Variants in SLC23A2 observed in about 807,000 individuals in gnomAD.
SLC23A2 encodes solute carrier family 23 member 2.
Under a neutral mutation model 73.3 loss-of-function variants are expected in SLC23A2, and 36 were observed. That is an observed-to-expected ratio of 0.49 (90% CI 0.38 to 0.65). The LOEUF (loss-of-function observed/expected upper bound fraction) is 0.65. Ranked by LOEUF, SLC23A2 falls within the 30% of genes least tolerant of loss-of-function variation. The pLI is 0.00. For synonymous variants in SLC23A2, 343 were observed against 327.3 expected (o/e 1.05, Z -0.52); for missense variants, 507 against 841.6 (o/e 0.60, Z 4.92).
chr20:4,958,069 T>C (rs1285924557), intron 2 of SLC23A2, among the ~76,000 whole-genome samples: 4 of 152,142 alleles, frequency 2.6e-5, no homozygotes, highest in Non-Finnish European at 5.9e-5. Context: ...CATCCAACTC[T>C]CAAAGCAAAT....
At position 4,975,858 on chromosome 20, in the gene SLC23A2, C is replaced by CT. The variant is rs540235253; in HGVS notation, c.-281-4940dup. 7.9e-3 allele frequency among the ~76,000 whole-genome samples: 1,116 copies of CT among 141,756 alleles called. 45 individuals are homozygous for CT. The South Asian group carries it at 0.14, about 17-fold the overall frequency. 93.0% of individuals were successfully genotyped at this position (141,756 alleles called of 152,430 possible). A position where few individuals can be genotyped will look rare whatever the true frequency, so the allele number is the denominator to read the frequency against. On this transcript the variant is annotated intron_variant, in intron 1 of 16. Transcript: ENST00000338244. ...TTCATTTGCAAGAGTTTCTTTCTTT[C>CT]TTTTTTTTTTTTTGAGACAGAGTCT...
chr20:4,987,802 C>T (rs539548236), intron 1 of SLC23A2, among the ~76,000 whole-genome samples: 1 of 151,382 alleles, frequency 6.6e-6, no homozygotes, highest in South Asian at 2.1e-4. Flanking sequence ...GAGCCGATCA[C>T]GCCACTGTGC....
chr20:4,938,092 G>A (rs143926245), intron 2 of SLC23A2, among the ~76,000 whole-genome samples: 1,943 of 149,028 alleles, frequency 0.013, 22 homozygotes, highest in Middle Eastern at 0.024. Context: ...GTGCAGTGGC[G>A]CGATCACAGT....
At chr20:4,964,339 TA>T (rs1419969876) in intron 2 of SLC23A2, among the ~76,000 whole-genome samples, 5 of 152,154 alleles carry the variant, frequency 3.3e-5, no homozygotes, top group African/African-American at 1.2e-4. Context: ...TCAAAGGCTC[TA>T]AAAATACACA....
At chr20:4,935,671 C>CG (rs748592462) in intron 2 of SLC23A2, among the ~76,000 whole-genome samples, 55 of 151,888 alleles carry the variant, frequency 3.6e-4, no homozygotes, top group Non-Finnish European at 1.5e-4. Flanking sequence ...TGGTGGCGGG[C>CG]GCCTGTAGTC....
At chr20:4,986,655 C>CAT (rs2087833754) in intron 1 of SLC23A2, among the ~76,000 whole-genome samples, 3 of 112,392 alleles carry the variant, frequency 2.7e-5, no homozygotes, top group African/African-American at 9.9e-5. Context: ...CACATACACA[C>CAT]ACACACACAC....
In SLC23A2 at chr20:4,899,476, C is replaced by A; in HGVS notation, c.482+79G>T. 6.6e-7 allele frequency: 1 copy of A among 1,518,222 alleles called. No individual in the cohort carries two copies. The highest frequency in any genetic ancestry group is 1.2e-5 in the South Asian group (1 of 85,874). The allele number at this position is 1,518,222 out of a possible 1,614,324, so 94.0% of individuals were successfully genotyped here. On this transcript the variant is annotated intron_variant, in intron 6 of 16. Transcript: ENST00000338244. This position sits in a 1 kb window ranked among gnomAD's most constrained non-coding sequence, Gnocchi z 4.9. ...TTCTGTCCTTGCCAACAGCCCTAGG[C>A]AAACGGCGCAGCTCAATGCCTTCTG...
rs1932300106 is a variant in SLC23A2, at chr20:4,915,790, A to G, written c.109-2812T>C. 2.0e-5 allele frequency among the ~76,000 whole-genome samples: 3 copies of G among 152,222 alleles called. No homozygotes were observed. In the South Asian group the frequency reaches 6.2e-4, roughly 32 times the overall value. ...TGGCAAAACCCCATCTCTACTAAAA[A>G]TACAAAAATTAGCTGGGCGTGGTGA... On this transcript the variant is annotated intron_variant, in intron 3 of 16. Coordinates refer to ENST00000338244, the MANE Select transcript of SLC23A2 (RefSeq NM_005116.6).
At chr20:4,861,873 T>A in intron 15 of SLC23A2, 75 bp downstream of exon 15, 1 of 1,521,276 alleles carries the variant, frequency 6.6e-7, no homozygotes, top group Non-Finnish European at 9.0e-7. Context: ...TCCTCTCCAA[T>A]GGGCAAAGAG....
intron 2 of SLC23A2, among the ~76,000 whole-genome samples, chr20:4,961,518 T>A (rs1168151780): frequency 2.0e-5 from 3 of 152,242 alleles, no homozygotes; most frequent in Admixed American, 2.0e-4. Flanking sequence ...AATTCGTAAC[T>A]TTCTTAAAAC....
At chr20:4,988,376 G>A (rs867780102) in intron 1 of SLC23A2, among the ~76,000 whole-genome samples, 2 of 147,358 alleles carry the variant, frequency 1.4e-5, no homozygotes, top group Non-Finnish European at 3.0e-5. Flanking sequence ...CCGAGGGGGG[G>A]CCAATCACCT....
chr20:4,916,386 G>A (rs78310787), intron 3 of SLC23A2, among the ~76,000 whole-genome samples: 44 of 152,144 alleles, frequency 2.9e-4, no homozygotes, highest in African/African-American at 9.9e-4. Context: ...CATTTATCTC[G>A]GGTTGCTGCA....
intron 2 of SLC23A2, among the ~76,000 whole-genome samples, chr20:4,937,322 G>A (rs193070539): frequency 2.0e-5 from 3 of 152,240 alleles, no homozygotes; most frequent in East Asian, 3.9e-4. Flanking sequence ...GTGCCAACCC[G>A]TGGTCCCTCA....
chr20:4,976,580 G>T (rs2087647031), intron 1 of SLC23A2, among the ~76,000 whole-genome samples: 1 of 151,964 alleles, frequency 6.6e-6, no homozygotes, highest in Non-Finnish European at 1.5e-5. Context: ...GGAGGCTGAG[G>T]CAAGAGAATT....
chr20:5,004,154 A>G (rs1600224316), upstream of SLC23A2, among the ~76,000 whole-genome samples: 1 of 152,188 alleles, frequency 6.6e-6, no homozygotes, highest in East Asian at 1.9e-4. Flanking sequence ...CACATTTCCA[A>G]TTGTCCCTTG....
At chr20:4,969,687 T>A (rs2087532721) in intron 2 of SLC23A2, among the ~76,000 whole-genome samples, 1 of 151,546 alleles carries the variant, frequency 6.6e-6, no homozygotes, top group Non-Finnish European at 1.5e-5. Flanking sequence ...TGGGCTCAAG[T>A]GATCCTCCTG....
rs72552229 is a variant in SLC23A2, at chr20:4,856,839, T to C, written c.*133A>G. On this transcript the variant is annotated 3_prime_UTR_variant, in exon 17 of 17. Transcript: ENST00000338244. The surrounding 1 kb of genome is among the most constrained non-coding windows in gnomAD (Gnocchi z 4.6). Reference sequence around the variant, plus strand: ...CATCACCCTCACAGCAGAAAAGTGATTCGCAGTCTGTCTTAGCTCTGGGGC... The same window carrying C: ...CATCACCCTCACAGCAGAAAAGTGACTCGCAGTCTGTCTTAGCTCTGGGGC... The C allele has an allele frequency of 8.2e-4, 530 of 647,986 alleles. 1 individual carries two copies. In the African/African-American group the frequency reaches 8.2e-3, roughly 10 times the overall value. 40.1% of individuals were successfully genotyped at this position (647,986 alleles called of 1,614,324 possible).
intron 2 of SLC23A2, among the ~76,000 whole-genome samples, chr20:4,943,920 C>A (rs867889992): frequency 1.3e-5 from 2 of 152,060 alleles, no homozygotes; most frequent in Non-Finnish European, 2.9e-5. Context: ...CAGCCAGACA[C>A]GAGACATGCA....
intron 3 of SLC23A2, among the ~76,000 whole-genome samples, chr20:4,932,148 G>C (rs945981975): frequency 6.6e-6 from 1 of 152,160 alleles, no homozygotes; most frequent in Admixed American, 6.5e-5. Flanking sequence ...TTTCCTAAGA[G>C]TACACCTTTT....
Sources: allele counts gnomAD v4.1 joint callset (sites outside exome capture counted in the v4.1 genomes callset), GRCh38; gene constraint gnomAD v4.1.1; non-coding constraint Gnocchi (gnomAD v3.1); transcripts MANE v1.5; gene names NCBI Gene and HGNC (gene_info 2026-07-23, HGNC 2026-07-21).